ERI1: variants seen among roughly 807,000 people sequenced by gnomAD.
ERI1 encodes the protein 3'-5' exoribonuclease 1.
Under a neutral mutation model 39.7 loss-of-function variants are expected in ERI1, and 39 were observed. The ratio of observed to expected loss-of-function variants is 0.98; its 90% CI spans 0.76 to 1.28. The LOEUF is 1.28. Among genes scored for constraint, ERI1 ranks in the 50% most tolerant of loss-of-function variants. The probability of loss-of-function intolerance (pLI) is 0.00; values close to 1 mark genes in which losing one functional copy is unlikely to be tolerated. For missense variants in ERI1, 581 were observed against 416.9 expected, an observed-to-expected ratio of 1.39 and a Z score of -3.43; for synonymous variants, 204 against 149.6, an observed-to-expected ratio of 1.36 and a Z score of -2.65.
At chr8:9,094,060 G>A (rs1799794735) in intron 3 of ERI1, among the ~76,000 whole-genome samples, 1 of 151,556 alleles carries the variant, frequency 6.6e-6, no homozygotes, top group Non-Finnish European at 1.5e-5. Context: ...ACTAATAATT[G>A]TTATAAACTA....
chr8:9,021,208 C>G (rs1817855695), intron 6 of ERI1, among the ~76,000 whole-genome samples: 2 of 152,178 alleles, frequency 1.3e-5, no homozygotes, highest in African/African-American at 4.8e-5. Context: ...TACTTATCCC[C>G]TTACTCTCCA....
In ERI1 at chr8:9,029,815, G is replaced by T; in HGVS notation, c.831G>T (p.Leu277=). The T allele has an allele frequency of 6.2e-7, 1 of 1,614,140 alleles. No homozygotes were observed. Among genetic ancestry groups the T allele is most frequent in the Non-Finnish European group, 8.5e-7 (1 of 1,180,028 alleles). Residue 277 remains leucine (L), a synonymous_variant, in exon 7 of 7, where the codon CTG becomes CTT. Coordinates refer to ENST00000250263, the MANE Select transcript of ERI1 (RefSeq NM_153332.4). ...AGGTTCCTAGAAGCCAAACCAAACT[G>T]ACAATAATGCTTGAAAAATTAGGAA... The part of the protein sequence containing the change: ...FYKVPRSQTK[L]TIMLEKLGMD...
chr8:9,011,204 A>G (rs994187328), intron 2 of ERI1, among the ~76,000 whole-genome samples: 4 of 152,170 alleles, frequency 2.6e-5, no homozygotes, highest in African/African-American at 9.7e-5. Flanking sequence ...CATATATGTT[A>G]TCTTAGTATA....
chr8:9,004,126 A>G (rs777190703), intron 1 of ERI1: 98 of 1,289,022 alleles, frequency 7.6e-5, no homozygotes, highest in Non-Finnish European at 9.2e-5. Context: ...CTCGTTAAGG[A>G]TCTCTGTATG....
chr8:9,077,364 T>A lies in ERI1; in HGVS notation n.300-38984T>A, dbSNP rs796253600. Among the ~76,000 whole-genome samples, 2 of 152,324 alleles carry A rather than the reference T, an allele frequency of 1.3e-5. 1 individual carries two copies. Among genetic ancestry groups the A allele is most frequent in the African/African-American group, 4.8e-5 (2 of 41,576 alleles). On this transcript the variant is annotated intron_variant and non_coding_transcript_variant, in intron 3 of 3. Transcript: ENST00000518663. ...TTCCTTTTACCTTCTGAAGGTTCAA[T>A]AATTTGAGTCCCTGGAAGAAACTGA...
At chr8:9,042,628 C>T (rs1232769623) in intron 3 of ERI1, among the ~76,000 whole-genome samples, 2 of 152,112 alleles carry the variant, frequency 1.3e-5, no homozygotes, top group East Asian at 3.8e-4. Flanking sequence ...GCGATGGGTC[C>T]TTGTGTCCAG....
chr8:9,024,012 G>C (rs1221668950), intron 6 of ERI1, among the ~76,000 whole-genome samples: 6 of 152,136 alleles, frequency 3.9e-5, no homozygotes, highest in Non-Finnish European at 7.4e-5. Context: ...ATATTAGCCA[G>C]GCTGGTCTTG....
chr8:9,071,396 C>T (rs566168724), intron 3 of ERI1, among the ~76,000 whole-genome samples: 13 of 152,276 alleles, frequency 8.5e-5, no homozygotes, highest in East Asian at 3.9e-4. Flanking sequence ...TAAGCTCCCA[C>T]GGTGGAATTC....
chr8:9,030,065 G>GT lies in ERI1; in HGVS notation c.*31_*32insT. 2 of 1,607,668 alleles carry GT rather than the reference G, an allele frequency of 1.2e-6. No homozygotes were observed. Among genetic ancestry groups the GT allele is most frequent in the Admixed American group, 1.7e-5 (1 of 59,908 alleles). On this transcript the variant is annotated 3_prime_UTR_variant, in exon 7 of 7. Coordinates refer to ENST00000250263, the MANE Select transcript of ERI1 (RefSeq NM_153332.4). Reference sequence around the variant, plus strand: ...GTTTTGTGTGTGGATCATTCCAATTGAAGTTGCTATGAAGAGGTAGCAGAT... The same window carrying GT: ...GTTTTGTGTGTGGATCATTCCAATTGTAAGTTGCTATGAAGAGGTAGCAGAT...
chr8:9,028,313 C>T (rs1283909267), intron 6 of ERI1, among the ~76,000 whole-genome samples: 1 of 152,108 alleles, frequency 6.6e-6, no homozygotes, highest in African/African-American at 2.4e-5. Flanking sequence ...TTGTGTATTT[C>T]CAGGAATTTG....
chr8:9,092,091 G>A (rs1799725614), intron 3 of ERI1, among the ~76,000 whole-genome samples: 1 of 152,174 alleles, frequency 6.6e-6, no homozygotes, highest in Non-Finnish European at 1.5e-5. Flanking sequence ...CAAGTAGCTA[G>A]GACTACAGGC....
chr8:9,050,775 C>G (rs1798331712), intron 3 of ERI1, among the ~76,000 whole-genome samples: 2 of 152,130 alleles, frequency 1.3e-5, no homozygotes, highest in South Asian at 4.1e-4. Context: ...GAACTTAGGT[C>G]TATCCCACCA....
chr8:9,003,306 C>T lies in ERI1; in HGVS notation c.108+135C>T, dbSNP rs371642579. 18 of 472,000 alleles carry T rather than the reference C, an allele frequency of 3.8e-5. No individual in the cohort carries two copies. In the East Asian group the frequency reaches 6.0e-4, roughly 16 times the overall value. The allele number at this position is 472,000 out of a possible 1,614,324, so 29.2% of individuals were successfully genotyped here. On this transcript the variant is annotated intron_variant, in intron 1 of 6. Coordinates refer to ENST00000250263, the MANE Select transcript of ERI1 (RefSeq NM_153332.4). ...TTGGACCCCAGCCTCTTCCTCGGTG[C>T]CCAGCTCCCTGGCTTTATCCTCGGG...
At chr8:9,040,679 T>C (rs1279813578) in intron 3 of ERI1, among the ~76,000 whole-genome samples, 1 of 151,998 alleles carries the variant, frequency 6.6e-6, no homozygotes, top group Non-Finnish European at 1.5e-5. Context: ...AAAATTTCTG[T>C]TATTTTTGTA....
rs1304766046 is a variant in ERI1 at position 9,078,821 on chromosome 8, CTCT to C, written n.300-37522_300-37520del. Among the ~76,000 whole-genome samples, 3 of 152,106 alleles carry C rather than the reference CTCT, an allele frequency of 2.0e-5. No homozygotes were observed. The East Asian group carries it at 5.8e-4, about 29-fold the overall frequency. On this transcript the variant is annotated intron_variant and non_coding_transcript_variant, in intron 3 of 3. Transcript: ENST00000518663. ...ACTGTAAGAGAAGATTATCTTTTTT[CTCT>C]TCTTTTGTTTTTGTGGGGCCCTTGT... is the stretch of plus-strand genomic sequence containing the variant.
At chr8:9,064,799 C>T (rs764824705) in intron 3 of ERI1, among the ~76,000 whole-genome samples, 21 of 152,128 alleles carry the variant, frequency 1.4e-4, no homozygotes, top group Non-Finnish European at 2.4e-4. Flanking sequence ...AAATTTCATG[C>T]GCATCCATGT....
chr8:9,024,966 T>C (rs958134258), intron 6 of ERI1, among the ~76,000 whole-genome samples: 5 of 152,170 alleles, frequency 3.3e-5, no homozygotes, highest in Admixed American at 2.0e-4. Flanking sequence ...CTTACACATG[T>C]AGAAAGTTGA....
chr8:9,035,945 G>T (rs1176338974), downstream of ERI1, among the ~76,000 whole-genome samples: 1 of 152,114 alleles, frequency 6.6e-6, no homozygotes, highest in Admixed American at 6.5e-5. Flanking sequence ...TGACTTTTAG[G>T]GGCCCAAGAC....
At chr8:9,038,979 A>G (rs1379464689) in intron 3 of ERI1, among the ~76,000 whole-genome samples, 1 of 152,234 alleles carries the variant, frequency 6.6e-6, no homozygotes, top group East Asian at 1.9e-4. Flanking sequence ...ATGATAAATC[A>G]TTCTTCAGCT....
Sources: allele counts gnomAD v4.1 joint callset (sites outside exome capture counted in the v4.1 genomes callset), GRCh38; gene constraint gnomAD v4.1.1; transcripts MANE v1.5; gene names NCBI Gene and HGNC (gene_info 2026-07-23, HGNC 2026-07-21).